HROB: variants seen among roughly 807,000 people sequenced by gnomAD.
HROB encodes the protein homologous recombination factor with OB-fold, also known as homologous recombination OB-fold protein.
In HROB, 44 loss-of-function variants were observed where a neutral mutation model predicts 61.0. That is an observed-to-expected ratio of 0.72 (90% CI 0.57 to 0.93). The LOEUF is 0.93. Ranked by LOEUF, HROB falls within the 40% of genes least tolerant of loss-of-function variation. The pLI, the probability that HROB is intolerant of heterozygous loss-of-function variation, is 0.00. For synonymous variants in HROB, 301 were observed against 310.4 expected (o/e 0.97, Z 0.32); for missense variants, 716 against 796.2 (o/e 0.90, Z 1.21).
rs916164510 is a variant in HROB at position 44,162,430 on chromosome 17, A to C, written c.*498A>C. ...CCCAAGGTTCCCAGGTGCAGGACAG[A>C]GGTGTGGCCTATTGTACCTTGTTCT... On this transcript the variant is annotated 3_prime_UTR_variant, in exon 10 of 10. Coordinates refer to ENST00000585683, the MANE Select transcript of HROB (RefSeq NM_001171251.3). 6.4e-6 allele frequency: 1 copy of C among 156,116 alleles called. No homozygotes were observed. Among genetic ancestry groups the C allele is most frequent in the Non-Finnish European group, 1.4e-5 (1 of 70,580 alleles). 9.7% of individuals were successfully genotyped at this position (156,116 alleles called of 1,614,324 possible).
intron 2 of HROB, 80 bp from the exon 3 acceptor site, chr17:44,147,778 A>G (rs2053655346): frequency 2.2e-6 from 3 of 1,350,258 alleles, no homozygotes; most frequent in Admixed American, 2.1e-5. Context: ...ACAAACATAC[A>G]CGCCATGTGC....
chr17:44,156,754 C>T (rs1383367709), intron 8 of HROB, among the ~76,000 whole-genome samples: 1 of 152,012 alleles, frequency 6.6e-6, no homozygotes, highest in Non-Finnish European at 1.5e-5. Context: ...ACTTCACCTC[C>T]CGGGTTCAAG....
intron 9 of HROB, 101 bp from the exon 10 acceptor site, chr17:44,161,770 C>A: frequency 7.6e-7 from 1 of 1,311,266 alleles, no homozygotes; most frequent in Non-Finnish European, 1.1e-6. Flanking sequence ...CCCAGCTATA[C>A]AGCCAGGTCC....
rs149678700 is a variant in HROB, at chr17:44,147,924, C to G, written c.121C>G (p.Arg41Gly). ...TGGCTCACTGCCTGTGAATGCTGGG[C>G]GCCTGAGACCTGTCTCTTCTAGGCC... ...FTGSLPVNAG[R>G]LRPVSSRPQE... The change falls in exon 3 of 10, where the codon CGC (arginine) becomes GGC (glycine). Residue 41 changes from arginine to glycine, a missense_variant. Arg to Gly is a moderately radical substitution (Grantham distance 125, BLOSUM62 -2). Coordinates refer to ENST00000585683, the MANE Select transcript of HROB (RefSeq NM_001171251.3). 1.4e-4 allele frequency: 221 copies of G among 1,613,974 alleles called. No individual in the cohort carries two copies. The highest frequency in any genetic ancestry group is 1.8e-4 in the Non-Finnish European group (211 of 1,180,034).
chr17:44,143,955 T>C (rs2053535444), intron 1 of HROB, among the ~76,000 whole-genome samples: 1 of 152,094 alleles, frequency 6.6e-6, no homozygotes, highest in Admixed American at 6.6e-5. Flanking sequence ...TGGATTATGT[T>C]ACAAGAAAGT....
intron 7 of HROB, 146 bp downstream of exon 7, chr17:44,155,084 C>A: frequency 7.8e-7 from 1 of 1,281,722 alleles, no homozygotes; most frequent in Non-Finnish European, 1.1e-6. Context: ...CAGGGAAGGC[C>A]TGTGGCCCTT....
chr17:44,161,791 G>A (rs2054148293), intron 9 of HROB, 80 bp from the exon 10 acceptor site: 2 of 1,507,474 alleles, frequency 1.3e-6, no homozygotes, highest in Admixed American at 1.7e-5. Context: ...AGGCCCTCCT[G>A]AAGGGCAGAA....
intron 2 of HROB, among the ~76,000 whole-genome samples, chr17:44,147,065 AAG>A (rs2053632040): frequency 1.4e-5 from 2 of 139,048 alleles, no homozygotes; most frequent in South Asian, 2.3e-4. Flanking sequence ...GAGAGAGAGA[AAG>A]AGAGCACACG....
intron 3 of HROB, among the ~76,000 whole-genome samples, chr17:44,150,018 T>C (rs1245170114): frequency 6.6e-6 from 1 of 152,120 alleles, no homozygotes; most frequent in Non-Finnish European, 1.5e-5. Flanking sequence ...AGAGCATGTG[T>C]AAGGGCACAG....
chr17:44,144,943 T>C (rs2053568710), intron 1 of HROB, among the ~76,000 whole-genome samples: 2 of 152,060 alleles, frequency 1.3e-5, no homozygotes, highest in African/African-American at 4.8e-5. Context: ...CTCGAACTCC[T>C]GACCTCAGGA....
chr17:44,150,097 C>T (rs1000789910), intron 3 of HROB, among the ~76,000 whole-genome samples: 2 of 152,170 alleles, frequency 1.3e-5, no homozygotes, highest in African/African-American at 4.8e-5. Context: ...GAAGCTGGGG[C>T]TGAAAAGGAG....
In HROB at chr17:44,157,881, T is replaced by C. The variant is rs762151311; in HGVS notation, c.1819T>C (p.Phe607Leu). 2 of 1,613,766 alleles carry C rather than the reference T, an allele frequency of 1.2e-6. No individual in the cohort carries two copies. The highest frequency in any genetic ancestry group is 3.3e-5 in the Admixed American group (2 of 59,986). ...TGTGGCTGCAAAGCCCGAGGAAGGC[T>C]TCAGAACAGCACAGAACCTAGAGGC... ...HDVAAKPEEG[F>L]RTAQNLEAEA... The change falls in exon 9 of 10, where the codon TTC becomes CTC. Residue 607 changes from phenylalanine (F) to leucine (L), a missense_variant. Phe to Leu is a conservative substitution (Grantham distance 22). Transcript: ENST00000585683.
intron 4 of HROB, 130 bp downstream of exon 4, chr17:44,151,174 T>C: frequency 1.0e-6 from 1 of 975,032 alleles, no homozygotes; most frequent in South Asian, 1.5e-5. Context: ...CTAAAAGGCA[T>C]TTGAGGCAGG....
chr17:44,158,476 C>CT (rs1002284058), intron 9 of HROB, among the ~76,000 whole-genome samples: 2 of 152,084 alleles, frequency 1.3e-5, no homozygotes, highest in African/African-American at 4.8e-5. Flanking sequence ...CTAGTTTTAG[C>CT]TTTTTTTACT....
At chr17:44,151,602 A>C (rs537862533) in intron 4 of HROB, among the ~76,000 whole-genome samples, 1 of 152,318 alleles carries the variant, frequency 6.6e-6, no homozygotes, top group East Asian at 1.9e-4. Flanking sequence ...CTGGATTCAA[A>C]GCATGTATTA....
chr17:44,156,723 GCA>G (rs2053982374), intron 8 of HROB, among the ~76,000 whole-genome samples: 1 of 151,464 alleles, frequency 6.6e-6, no homozygotes, highest in Non-Finnish European at 1.5e-5. Context: ...TAGTGCAGTG[GCA>G]TGTTCTCAGC....
At chr17:44,154,452 A>T in intron 5 of HROB, 104 bp from the exon 6 acceptor site, 1 of 1,016,734 alleles carries the variant, frequency 9.8e-7, no homozygotes, top group Non-Finnish European at 1.6e-6. Context: ...CACTATAACT[A>T]TACTCTGACC....
intron 4 of HROB, among the ~76,000 whole-genome samples, chr17:44,152,059 A>T (rs753875763): frequency 6.6e-6 from 1 of 151,892 alleles, no homozygotes; most frequent in Non-Finnish European, 1.5e-5. Flanking sequence ...GTTAGCCAGG[A>T]TGGTCTCCAT....
At chr17:44,146,000 T>C (rs1271252022) in intron 2 of HROB, among the ~76,000 whole-genome samples, 1 of 152,196 alleles carries the variant, frequency 6.6e-6, no homozygotes, top group South Asian at 2.1e-4. Context: ...GCATTAGCTA[T>C]TCTTCCTGAT....
Sources: gnomAD v4.1 joint callset for allele counts (sites outside exome capture counted in the v4.1 genomes callset) on GRCh38, gnomAD v4.1.1 for gene constraint, MANE v1.5 for transcripts, NCBI Gene and HGNC (gene_info 2026-07-23, HGNC 2026-07-21) for gene names.